The following ELAVL4 variants were observed in gnomAD, a reference collection of about 807,000 sequenced individuals.
The protein encoded by ELAVL4 is ELAV-like protein 4.
A neutral mutation model predicts 35.6 loss-of-function variants in ELAVL4; 1 was observed. The observed-to-expected ratio is 0.03, with a 90% CI of 0.01 to 0.13. The LOEUF (loss-of-function observed/expected upper bound fraction) is 0.13, where lower values mean the gene tolerates loss of function less well. ELAVL4 is among the 10% of genes least tolerant of loss of function. ELAVL4 has a pLI of 1.00. For missense variants in ELAVL4, 267 were observed against 464.9 expected (o/e 0.57, Z 3.91); for synonymous variants, 156 against 171.0 (o/e 0.91, Z 0.69).
chr1:50,092,353 C>A (rs1572161634), intron 1 of ELAVL4, among the ~76,000 whole-genome samples: 1 of 152,152 alleles, frequency 6.6e-6, no homozygotes, highest in Admixed American at 6.5e-5. Flanking sequence ...AGGCGAGACA[C>A]CAACTTGTGC....
intron 4 of ELAVL4, among the ~76,000 whole-genome samples, chr1:50,194,995 G>A (rs914219731): frequency 3.3e-5 from 5 of 152,200 alleles, no homozygotes; most frequent in Non-Finnish European, 5.9e-5. Context: ...GGCATTGAAT[G>A]CTGTGCCAAG....
chr1:50,091,261 A>G (rs1277072676), intron 1 of ELAVL4, among the ~76,000 whole-genome samples: 1 of 152,208 alleles, frequency 6.6e-6, no homozygotes, highest in African/African-American at 2.4e-5. Context: ...CTGCCATTGC[A>G]GATACGCTTA....
intron 1 of ELAVL4, among the ~76,000 whole-genome samples, chr1:50,138,373 G>A (rs906607196): frequency 7.2e-5 from 11 of 152,096 alleles, no homozygotes; most frequent in African/African-American, 2.7e-4. Flanking sequence ...TAGGGCCAAG[G>A]CATTCAATAG....
At chr1:50,058,205 T>C (rs1218883149) in intron 1 of ELAVL4, among the ~76,000 whole-genome samples, 1 of 152,168 alleles carries the variant, frequency 6.6e-6, no homozygotes, top group Non-Finnish European at 1.5e-5. Flanking sequence ...TATAGATAAA[T>C]GATGTTCTGT....
intron 2 of ELAVL4, among the ~76,000 whole-genome samples, chr1:50,159,773 T>C (rs1676451811): frequency 6.6e-6 from 1 of 151,864 alleles, no homozygotes; most frequent in African/African-American, 2.4e-5. Context: ...AAGAATGGAG[T>C]CCTTGGAGGA....
intron 1 of ELAVL4, among the ~76,000 whole-genome samples, chr1:50,125,383 C>T (rs925990707): frequency 2.0e-5 from 3 of 151,956 alleles, no homozygotes; most frequent in Non-Finnish European, 2.9e-5. Context: ...AGTGAGGCCA[C>T]AATAGTTCAG....
chr1:50,088,204 C>T (rs1665334540), intron 1 of ELAVL4, among the ~76,000 whole-genome samples: 2 of 152,160 alleles, frequency 1.3e-5, no homozygotes, highest in African/African-American at 4.8e-5. Flanking sequence ...TTCACTGAAC[C>T]AGGAGTGAAG....
At chr1:50,077,286 CAA>C (rs1388358202) in intron 1 of ELAVL4, among the ~76,000 whole-genome samples, 1 of 152,148 alleles carries the variant, frequency 6.6e-6, no homozygotes, top group Non-Finnish European at 1.5e-5. Flanking sequence ...AGACCCAAGA[CAA>C]TTGATGGTAT....
At chr1:50,119,068 GAAAGAAAGAAAGAAAGAAAGAAAGAA>G (rs1198310545) in intron 1 of ELAVL4, among the ~76,000 whole-genome samples, 7 of 135,794 alleles carry the variant, frequency 5.2e-5, no homozygotes, top group African/African-American at 2.0e-4. Flanking sequence ...AAGAAAGAAA[GAAAGAAAGAAAGAAAGAAAGAAAGAA>G]AAAGAAAAAG....
intron 1 of ELAVL4, among the ~76,000 whole-genome samples, chr1:50,088,422 C>T (rs1440853862): frequency 6.6e-6 from 1 of 152,186 alleles, no homozygotes; most frequent in African/African-American, 2.4e-5. Flanking sequence ...TTGGGAGGTC[C>T]TCCAGCTCAT....
intron 1 of ELAVL4, among the ~76,000 whole-genome samples, chr1:50,056,391 G>T (rs1663674335): frequency 6.6e-6 from 1 of 152,132 alleles, no homozygotes; most frequent in Non-Finnish European, 1.5e-5. Flanking sequence ...ATTTATGATG[G>T]AGGTCCCCTA....
At chr1:50,051,169 G>C (rs1025199457) in intron 1 of ELAVL4, among the ~76,000 whole-genome samples, 2 of 152,056 alleles carry the variant, frequency 1.3e-5, no homozygotes, top group African/African-American at 4.8e-5. Flanking sequence ...ATCTGTGAGG[G>C]AAGCAAAAAC....
chr1:50,129,321 A>G (rs962088944), intron 1 of ELAVL4, among the ~76,000 whole-genome samples: 3 of 152,102 alleles, frequency 2.0e-5, no homozygotes, highest in Non-Finnish European at 4.4e-5. Flanking sequence ...TGGACCAAGA[A>G]CAACCCTGCT....
chr1:50,199,560 TAGTC>T (rs1644274367), intron 6 of ELAVL4, among the ~76,000 whole-genome samples: 1 of 151,948 alleles, frequency 6.6e-6, no homozygotes, highest in Non-Finnish European at 1.5e-5. Context: ...ACAAAAAAAT[TAGTC>T]AGGCATGGTG....
At chr1:50,160,684 C>A (rs1676643880) in intron 2 of ELAVL4, among the ~76,000 whole-genome samples, 1 of 152,176 alleles carries the variant, frequency 6.6e-6, no homozygotes, top group African/African-American at 2.4e-5. Flanking sequence ...CATTTGGCAT[C>A]CTGACTTATC....
At chr1:50,070,197 T>A (rs1664447793) in intron 1 of ELAVL4, among the ~76,000 whole-genome samples, 1 of 152,142 alleles carries the variant, frequency 6.6e-6, no homozygotes, top group Non-Finnish European at 1.5e-5. Flanking sequence ...TGGAATGAAG[T>A]GGATAGCAGT....
At chr1:50,096,133 A>G (rs1378498893) in intron 1 of ELAVL4, among the ~76,000 whole-genome samples, 2 of 151,964 alleles carry the variant, frequency 1.3e-5, no homozygotes, top group African/African-American at 2.4e-5. Flanking sequence ...TACTTTAGCA[A>G]ATATTTATTG....
At chr1:50,069,458 G>C (rs1377841855) in intron 1 of ELAVL4, among the ~76,000 whole-genome samples, 1 of 152,160 alleles carries the variant, frequency 6.6e-6, no homozygotes, top group Non-Finnish European at 1.5e-5. Flanking sequence ...ACTAGACATG[G>C]GTGCCTGTGA....
chr1:50,055,694 A>G (rs1663624385), intron 1 of ELAVL4, among the ~76,000 whole-genome samples: 1 of 151,966 alleles, frequency 6.6e-6, no homozygotes, highest in Non-Finnish European at 1.5e-5. Context: ...TATATAGGCC[A>G]GGCACGGTGC....
Sources: gnomAD v4.1 joint callset for allele counts (sites outside exome capture counted in the v4.1 genomes callset) on GRCh38, gnomAD v4.1.1 for gene constraint, MANE v1.5 for transcripts, NCBI Gene and HGNC (gene_info 2026-07-23, HGNC 2026-07-21) for gene names.